The following ATRNL1 variants were observed in gnomAD, a reference collection of about 807,000 sequenced individuals.
The protein encoded by ATRNL1 is attractin like 1.
In ATRNL1, 95 loss-of-function variants were observed where a neutral mutation model predicts 182.7. The observed-to-expected ratio is 0.52, with a 90% CI of 0.44 to 0.62. The LOEUF is 0.62. Among genes scored for constraint, ATRNL1 ranks in the 20% least tolerant of loss-of-function variants. The pLI is 0.00. For missense variants in ATRNL1, 1,471 were observed against 1,679.5 expected, an observed-to-expected ratio of 0.88 and a Z score of 2.17; for synonymous variants, 576 against 568.3, an observed-to-expected ratio of 1.01 and a Z score of -0.19.
intron 27 of ATRNL1, among the ~76,000 whole-genome samples, chr10:115,759,671 A>C (rs1257392503): frequency 2.0e-5 from 3 of 151,658 alleles, no homozygotes; most frequent in Non-Finnish European, 2.9e-5. Context: ...TATTTGAGTA[A>C]ATAAAACTTT....
chr10:115,358,925 T>A (rs961353573), intron 19 of ATRNL1, among the ~76,000 whole-genome samples: 3 of 151,788 alleles, frequency 2.0e-5, no homozygotes, highest in Admixed American at 1.3e-4. Flanking sequence ...AATCAGTATT[T>A]TATTCAGTTT....
At chr10:115,737,267 C>T (rs1555066138) in intron 27 of ATRNL1, among the ~76,000 whole-genome samples, 2 of 73,658 alleles carry the variant, frequency 2.7e-5, no homozygotes, top group African/African-American at 8.0e-5. Context: ...CTCTACAAAA[C>T]ATCCCCCCCC....
chr10:115,896,865 A>C (rs2134477817), intron 28 of ATRNL1, among the ~76,000 whole-genome samples: 2 of 152,304 alleles, frequency 1.3e-5, no homozygotes, highest in Middle Eastern at 6.8e-3. Flanking sequence ...AGGCATACAT[A>C]AATACATAAG....
intron 8 of ATRNL1, among the ~76,000 whole-genome samples, chr10:115,182,582 A>G (rs1464093697): frequency 6.6e-6 from 1 of 151,542 alleles, no homozygotes; most frequent in Non-Finnish European, 1.5e-5. Context: ...TGCATAAAAC[A>G]AAACCCAAAT....
chr10:115,897,481 C>T (rs538895119), intron 28 of ATRNL1, among the ~76,000 whole-genome samples: 2 of 152,026 alleles, frequency 1.3e-5, no homozygotes, highest in Non-Finnish European at 1.5e-5. Flanking sequence ...AAATGTTAAT[C>T]GGAAGGAGAT....
intron 28 of ATRNL1, among the ~76,000 whole-genome samples, chr10:115,891,821 T>C (rs1952086844): frequency 6.6e-6 from 1 of 152,198 alleles, no homozygotes; most frequent in Non-Finnish European, 1.5e-5. Flanking sequence ...AGTTTGTCTT[T>C]CCTTAATAAG....
intron 18 of ATRNL1, among the ~76,000 whole-genome samples, chr10:115,327,173 G>A (rs542105529): frequency 2.8e-4 from 43 of 151,688 alleles, no homozygotes; most frequent in African/African-American, 8.7e-4. Context: ...GAAAGTTTTC[G>A]CAACCTACTC....
At chr10:115,724,040 G>C (rs527432074) in intron 26 of ATRNL1, among the ~76,000 whole-genome samples, 1 of 138,432 alleles carries the variant, frequency 7.2e-6, no homozygotes, top group Non-Finnish European at 1.6e-5. Context: ...TGGCTTTATT[G>C]TTCTGCTGAA....
chr10:115,302,136 C>A, intron 17 of ATRNL1, 93 bp downstream of exon 17: 1 of 1,222,446 alleles, frequency 8.2e-7, no homozygotes, highest in East Asian at 2.5e-5. Flanking sequence ...GAAGAAGTTT[C>A]AAAAAATGAG....
chr10:115,851,081 T>G (rs1489454562), intron 28 of ATRNL1, among the ~76,000 whole-genome samples: 1 of 152,014 alleles, frequency 6.6e-6, no homozygotes, highest in African/African-American at 2.4e-5. Context: ...AATCTCAAAT[T>G]TTTTTGTCAG....
In ATRNL1 at chr10:115,334,317, A is replaced by G; in HGVS notation, c.3073A>G (p.Asn1025Asp). 1 of 1,590,820 alleles carries G rather than the reference A, an allele frequency of 6.3e-7. No homozygotes were observed. Among genetic ancestry groups the G allele is most frequent in the Non-Finnish European group, 8.6e-7 (1 of 1,164,868 alleles). ...TAATGGACATAGCACTTGCATCAAT[A>G]ATAATGTGTGCGAACAGTGTAAAAA... ...QCNGHSTCINNNVCEQCKNLT... is the reference protein window; with the variant it reads ...QCNGHSTCINDNVCEQCKNLT... Residue 1025 changes from asparagine (N) to aspartate (D), a missense_variant, in exon 19 of 29, where the codon AAT (asparagine) becomes GAT (aspartate). Around this residue, in one of 3 missense-constraint regions of ATRNL1, gnomAD observed 437 missense variants for 506.0 expected, o/e 0.86. Transcript: ENST00000355044.
intron 3 of ATRNL1, among the ~76,000 whole-genome samples, chr10:115,122,869 G>C (rs1420173983): frequency 6.6e-6 from 1 of 152,118 alleles, no homozygotes; most frequent in African/African-American, 2.4e-5. Context: ...GTGGAGCCTT[G>C]CAAATAATTA....
chr10:115,392,980 C>G (rs1293766123), intron 19 of ATRNL1, among the ~76,000 whole-genome samples: 1 of 152,108 alleles, frequency 6.6e-6, no homozygotes, highest in Non-Finnish European at 1.5e-5. Flanking sequence ...CTGGTCACAC[C>G]TAATTCAGAA....
At chr10:115,257,410 G>C (rs1851197771) in intron 10 of ATRNL1, among the ~76,000 whole-genome samples, 2 of 152,136 alleles carry the variant, frequency 1.3e-5, no homozygotes, top group Admixed American at 1.3e-4. Flanking sequence ...TTTGATCTTT[G>C]TTGGTTTAAA....
intron 22 of ATRNL1, 73 bp downstream of exon 22, chr10:115,462,108 A>G (rs1847829830): frequency 1.9e-6 from 2 of 1,062,422 alleles, no homozygotes; most frequent in South Asian, 1.6e-5. Flanking sequence ...ATTTGATTTT[A>G]CCTCTTCTCA....
At position 115,215,193 on chromosome 10, in the gene ATRNL1, T is replaced by G. The variant is rs191164761; in HGVS notation, c.1349-504T>G. On this transcript the variant is annotated intron_variant, in intron 8 of 28. Coordinates refer to ENST00000355044, the MANE Select transcript of ATRNL1 (RefSeq NM_207303.4). ...GTCTTGGAAATTTTATTGTTTAGGT[T>G]TTCATCCTCTGCAATACAAAGGACT... 1.3e-3 allele frequency among the ~76,000 whole-genome samples: 199 copies of G among 152,282 alleles called. 2 individuals are homozygous for G. Among genetic ancestry groups the G allele is most frequent in the African/African-American group, 3.9e-3 (163 of 41,578 alleles).
At chr10:115,536,110 C>T (rs531433739) in intron 25 of ATRNL1, among the ~76,000 whole-genome samples, 9 of 152,146 alleles carry the variant, frequency 5.9e-5, no homozygotes, top group South Asian at 2.1e-4. Context: ...TCTCCAGCTG[C>T]GTGCTGGGAG....
At chr10:115,790,519 T>G (rs1949505394) in intron 27 of ATRNL1, among the ~76,000 whole-genome samples, 1 of 152,094 alleles carries the variant, frequency 6.6e-6, no homozygotes, top group African/African-American at 2.4e-5. Context: ...AAACAATAAT[T>G]CAGTTAAGCT....
At chr10:115,358,089 T>C (rs781990908) in intron 19 of ATRNL1, among the ~76,000 whole-genome samples, 2 of 151,648 alleles carry the variant, frequency 1.3e-5, no homozygotes, top group Non-Finnish European at 3.0e-5. Context: ...TGATCCTGCT[T>C]CTCTTGTGTT....
Sources: allele counts gnomAD v4.1 joint callset (sites outside exome capture counted in the v4.1 genomes callset), GRCh38; gene constraint gnomAD v4.1.1; regional missense constraint gnomAD v4.1.1; transcripts MANE v1.5; gene names NCBI Gene and HGNC (gene_info 2026-07-23, HGNC 2026-07-21).